The following SLC35F3 variants were observed in gnomAD, a reference collection of about 807,000 sequenced individuals.
SLC35F3 encodes the protein solute carrier family 35 member F3, also known as putative thiamine transporter SLC35F3.
SLC35F3 carries 25 observed loss-of-function variants against 49.9 expected under a neutral mutation model. The ratio of observed to expected loss-of-function variants is 0.50; its 90% confidence interval spans 0.37 to 0.70. The LOEUF (loss-of-function observed/expected upper bound fraction) is 0.70. Ranked by LOEUF, SLC35F3 falls within the 30% of genes least tolerant of loss-of-function variation. The pLI is 0.00. For synonymous variants in SLC35F3, 275 were observed against 265.4 expected, an observed-to-expected ratio of 1.04 and a Z score of -0.35; for missense variants, 525 against 639.8, an observed-to-expected ratio of 0.82 and a Z score of 1.94.
chr1:234,292,205 G>A (rs976112622), intron 3 of SLC35F3, among the ~76,000 whole-genome samples: 5 of 152,368 alleles, frequency 3.3e-5, no homozygotes, highest in South Asian at 4.1e-4. Flanking sequence ...TGCAAGGAAA[G>A]CAATGTGTGA....
intron 2 of SLC35F3, among the ~76,000 whole-genome samples, chr1:234,061,843 AT>A (rs1459172529): frequency 1.3e-5 from 2 of 152,196 alleles, no homozygotes; most frequent in African/African-American, 4.8e-5. Flanking sequence ...GTGGTACTCT[AT>A]TAGGTGCAAC....
In SLC35F3 at chr1:233,999,405, T is replaced by C. The variant is rs141444691; in HGVS notation, c.283+93647T>C. Among the ~76,000 whole-genome samples the C allele has an allele frequency of 1.8e-3, 271 of 152,204 alleles. 1 individual carries two copies. Among genetic ancestry groups the C allele is most frequent in the African/African-American group, 6.1e-3 (255 of 41,534 alleles). Reference sequence around the variant, plus strand: ...CAGTTTCCCCAAAGCACCACTCTTATCCTATTTCTCTGCCGCTCCATATCT... The same window carrying C: ...CAGTTTCCCCAAAGCACCACTCTTACCCTATTTCTCTGCCGCTCCATATCT... On this transcript the variant is annotated intron_variant, in intron 2 of 7. Transcript: ENST00000366618.
chr1:234,260,861 A>G (rs1667894053), intron 3 of SLC35F3, among the ~76,000 whole-genome samples: 1 of 152,178 alleles, frequency 6.6e-6, no homozygotes, highest in Admixed American at 6.5e-5. Flanking sequence ...ACTTTACTGC[A>G]CGGACTTCCT....
chr1:233,996,007 T>C (rs1212446120), intron 2 of SLC35F3, among the ~76,000 whole-genome samples: 1 of 152,176 alleles, frequency 6.6e-6, no homozygotes, highest in Non-Finnish European at 1.5e-5. Flanking sequence ...TTGAACAAAA[T>C]TGAATTGTCC....
At chr1:234,304,056 TC>T (rs1237448764) in intron 3 of SLC35F3, among the ~76,000 whole-genome samples, 69 of 140,572 alleles carry the variant, frequency 4.9e-4, no homozygotes, top group African/African-American at 1.7e-3. Context: ...TTTCTTTCCT[TC>T]CTTTCCTTCC....
intron 2 of SLC35F3, among the ~76,000 whole-genome samples, chr1:233,994,180 G>A (rs1663418702): frequency 6.6e-6 from 1 of 152,184 alleles, no homozygotes; most frequent in African/African-American, 2.4e-5. Context: ...GAAGAGAGTA[G>A]CAATTATATT....
intron 2 of SLC35F3, among the ~76,000 whole-genome samples, chr1:234,006,350 G>GAT (rs1285198547): frequency 2.6e-5 from 4 of 152,174 alleles, no homozygotes; most frequent in Admixed American, 6.5e-5. Context: ...AAACCCAAGA[G>GAT]ATAGAGTGAT....
At chr1:233,925,205 G>T (rs1433195587) in intron 2 of SLC35F3, among the ~76,000 whole-genome samples, 2 of 150,014 alleles carry the variant, frequency 1.3e-5, no homozygotes, top group East Asian at 3.8e-4. Context: ...TTTCTGTCTC[G>T]TTGATCTGTC....
chr1:234,214,516 C>A lies in SLC35F3; in HGVS notation c.284-16901C>A. The A allele has an allele frequency of 6.5e-7, 1 of 1,548,316 alleles. No homozygotes were observed. The highest frequency in any genetic ancestry group is 8.7e-7 in the Non-Finnish European group (1 of 1,149,600). ...GGCTCATCATGAAGAAGCACTCGGCCCGGGTGGCCCCGCTCAGCGCCTGCA... is the reference window on the plus strand; with the variant it reads ...GGCTCATCATGAAGAAGCACTCGGCACGGGTGGCCCCGCTCAGCGCCTGCA... On this transcript the variant is annotated intron_variant, in intron 2 of 7. Coordinates refer to ENST00000366618, the MANE Select transcript of SLC35F3 (RefSeq NM_173508.4). This position sits in a 1 kb window ranked among gnomAD's most constrained non-coding sequence, Gnocchi z 8.0.
chr1:233,949,763 G>A (rs992732499), intron 2 of SLC35F3, among the ~76,000 whole-genome samples: 2 of 152,116 alleles, frequency 1.3e-5, no homozygotes, highest in African/African-American at 4.8e-5. Context: ...ACCGTCTGCT[G>A]TACCGCTAAA....
intron 2 of SLC35F3, among the ~76,000 whole-genome samples, chr1:233,966,084 G>T (rs1662901354): frequency 6.6e-6 from 1 of 152,136 alleles, no homozygotes; most frequent in African/African-American, 2.4e-5. Context: ...ACCCCAGCCT[G>T]CCTCCACCCA....
chr1:233,959,707 A>G (rs573094614), intron 2 of SLC35F3, among the ~76,000 whole-genome samples: 161 of 152,288 alleles, frequency 1.1e-3, no homozygotes, highest in Non-Finnish European at 1.8e-3. Context: ...TTATCTTCTA[A>G]GTTTCAGCTG....
At chr1:233,995,571 C>T (rs1261187149) in intron 2 of SLC35F3, among the ~76,000 whole-genome samples, 5 of 152,154 alleles carry the variant, frequency 3.3e-5, no homozygotes, top group Admixed American at 1.3e-4. Flanking sequence ...ATAAAGTCAG[C>T]CAGGCAGTCA....
chr1:234,257,235 C>A (rs1405656217), intron 3 of SLC35F3, among the ~76,000 whole-genome samples: 2 of 152,166 alleles, frequency 1.3e-5, no homozygotes, highest in African/African-American at 4.8e-5. Flanking sequence ...CATAAATATT[C>A]AAGTACTTTG....
At chr1:234,218,826 G>A (rs1397872798) in intron 2 of SLC35F3, among the ~76,000 whole-genome samples, 3 of 152,028 alleles carry the variant, frequency 2.0e-5, no homozygotes, top group Non-Finnish European at 4.4e-5. Flanking sequence ...CGAGGTGGGT[G>A]GATCATGAGG....
chr1:234,066,852 A>G (rs913046865), intron 2 of SLC35F3, among the ~76,000 whole-genome samples: 10 of 150,078 alleles, frequency 6.7e-5, no homozygotes, highest in Admixed American at 4.7e-4. Flanking sequence ...ACACACACAC[A>G]CACACACACA....
At chr1:234,188,198 C>T (rs1666675460) in intron 2 of SLC35F3, among the ~76,000 whole-genome samples, 1 of 151,172 alleles carries the variant, frequency 6.6e-6, no homozygotes, top group Admixed American at 6.6e-5. Context: ...GATCGGGCCA[C>T]TGCACTCCAG....
chr1:234,270,097 C>T (rs995842028), intron 3 of SLC35F3, among the ~76,000 whole-genome samples: 1 of 152,258 alleles, frequency 6.6e-6, no homozygotes, highest in Non-Finnish European at 1.5e-5. Flanking sequence ...CCATTGTCCA[C>T]TTGCTCTTCT....
At chr1:233,997,488 A>T (rs932341308) in intron 2 of SLC35F3, among the ~76,000 whole-genome samples, 1 of 152,136 alleles carries the variant, frequency 6.6e-6, no homozygotes, top group Admixed American at 6.5e-5. Context: ...CATTTCTCCA[A>T]TGATGAGTGA....
Sources: allele counts gnomAD v4.1 joint callset (sites outside exome capture counted in the v4.1 genomes callset), GRCh38; gene constraint gnomAD v4.1.1; non-coding constraint Gnocchi (gnomAD v3.1); transcripts MANE v1.5; gene names NCBI Gene and HGNC (gene_info 2026-07-23, HGNC 2026-07-21).